CTNNA3: variants seen among roughly 807,000 people sequenced by gnomAD.
CTNNA3 encodes catenin alpha 3.
Under a neutral mutation model 95.7 loss-of-function variants are expected in CTNNA3, and 76 were observed. That is an observed-to-expected ratio of 0.79 (90% CI 0.66 to 0.96). The LOEUF is 0.96. CTNNA3 is among the 40% of genes least tolerant of loss of function. The pLI, the probability that CTNNA3 is intolerant of heterozygous loss-of-function variation, is 0.00. For synonymous variants in CTNNA3, 431 were observed against 374.4 expected (o/e 1.15, Z -1.74); for missense variants, 1,191 against 1,089.8 (o/e 1.09, Z -1.31).
chr10:66,753,535 AC>A (rs1459073485), intron 9 of CTNNA3, among the ~76,000 whole-genome samples: 1 of 151,626 alleles, frequency 6.6e-6, no homozygotes, highest in Non-Finnish European at 1.5e-5. Flanking sequence ...GGTGGTGGGC[AC>A]CCGTAATCCC....
chr10:66,214,701 T>C (rs1037626813), intron 13 of CTNNA3, among the ~76,000 whole-genome samples: 1 of 152,102 alleles, frequency 6.6e-6, no homozygotes, highest in Non-Finnish European at 1.5e-5. Flanking sequence ...AGAAAATGAC[T>C]CTTCCTTCTG....
intron 7 of CTNNA3, among the ~76,000 whole-genome samples, chr10:67,066,289 T>C (rs1856078592): frequency 1.4e-5 from 2 of 146,484 alleles, no homozygotes; most frequent in African/African-American, 5.2e-5. Flanking sequence ...GCCTCCCGGG[T>C]TCAAGAGATT....
intron 7 of CTNNA3, among the ~76,000 whole-genome samples, chr10:66,945,359 T>C (rs1848223305): frequency 6.6e-6 from 1 of 152,220 alleles, no homozygotes; most frequent in Non-Finnish European, 1.5e-5. Context: ...GGCTTCTTTC[T>C]GTAAACCTCA....
At chr10:66,892,445 C>T (rs529035064) in intron 7 of CTNNA3, among the ~76,000 whole-genome samples, 5 of 151,994 alleles carry the variant, frequency 3.3e-5, no homozygotes, top group Admixed American at 6.6e-5. Context: ...TTTTGGAAAA[C>T]GTTCAAGGAT....
intron 12 of CTNNA3, among the ~76,000 whole-genome samples, chr10:66,301,838 G>A (rs917363896): frequency 1.3e-5 from 2 of 151,906 alleles, no homozygotes; most frequent in Non-Finnish European, 2.9e-5. Flanking sequence ...CACCACTAGT[G>A]AATGTAATAA....
chr10:66,326,314 T>G (rs1349765620), intron 12 of CTNNA3, among the ~76,000 whole-genome samples: 2 of 152,104 alleles, frequency 1.3e-5, no homozygotes, highest in Non-Finnish European at 1.5e-5. Flanking sequence ...ACCTTCTTCA[T>G]CTACATAACC....
rs191712306 is a variant in CTNNA3, at chr10:67,520,397, G to A, written c.579+1445C>T. 8.6e-4 allele frequency among the ~76,000 whole-genome samples: 131 copies of A among 152,176 alleles called. 1 individual carries two copies. Among genetic ancestry groups the A allele is most frequent in the African/African-American group, 3.0e-3 (125 of 41,534 alleles). On this transcript the variant is annotated intron_variant, in intron 5 of 17. Transcript: ENST00000433211. ...CACTGAAAATGTGTTAATGAGAAAC[G>A]ATAACAGAAGAGTACAGTGACTACT...
intron 11 of CTNNA3, among the ~76,000 whole-genome samples, chr10:66,419,248 A>AGC (rs2093171609): frequency 1.4e-5 from 1 of 69,750 alleles, no homozygotes; most frequent in African/African-American, 5.3e-5. Context: ...AAAAAAAAGA[A>AGC]AAAGCAAAAC....
chr10:67,051,439 C>T (rs753460890), intron 7 of CTNNA3, among the ~76,000 whole-genome samples: 9 of 148,414 alleles, frequency 6.1e-5, no homozygotes, highest in Non-Finnish European at 1.0e-4. Flanking sequence ...TTTCCTTACA[C>T]ATCTTTTTTC....
chr10:67,096,391 G>A (rs1589732962), intron 7 of CTNNA3, among the ~76,000 whole-genome samples: 1 of 151,818 alleles, frequency 6.6e-6, no homozygotes. Context: ...ATAATACCTA[G>A]GCCTTCTATT....
At chr10:66,161,895 T>A (rs2084868551) in intron 13 of CTNNA3, among the ~76,000 whole-genome samples, 1 of 152,158 alleles carries the variant, frequency 6.6e-6, no homozygotes, top group South Asian at 2.1e-4. Context: ...TGTTCATATT[T>A]TTTTATTCTA....
At chr10:67,495,891 C>T (rs927916864) in intron 5 of CTNNA3, among the ~76,000 whole-genome samples, 7 of 152,200 alleles carry the variant, frequency 4.6e-5, no homozygotes, top group Admixed American at 2.6e-4. Flanking sequence ...ATAGTAGGCA[C>T]TTCCACAGCT....
At chr10:66,197,280 A>G (rs1384281044) in intron 13 of CTNNA3, among the ~76,000 whole-genome samples, 1 of 152,214 alleles carries the variant, frequency 6.6e-6, no homozygotes, top group East Asian at 1.9e-4. Flanking sequence ...CCCATAGGTT[A>G]CTGTTTTACA....
intron 5 of CTNNA3, among the ~76,000 whole-genome samples, chr10:67,232,988 C>G (rs1365590662): frequency 1.3e-5 from 2 of 152,190 alleles, no homozygotes; most frequent in East Asian, 3.8e-4. Context: ...GCACCCAATA[C>G]AGGAGCACCC....
intron 3 of CTNNA3, among the ~76,000 whole-genome samples, chr10:67,564,317 A>G (rs1841663539): frequency 6.7e-6 from 1 of 149,856 alleles, no homozygotes; most frequent in South Asian, 2.2e-4. Flanking sequence ...GCAGTCATAA[A>G]AAAGGATGGG....
intron 13 of CTNNA3, among the ~76,000 whole-genome samples, chr10:66,219,000 C>A (rs1464773357): frequency 6.6e-6 from 1 of 152,080 alleles, no homozygotes; most frequent in Admixed American, 6.6e-5. Context: ...TTAGAAATAC[C>A]TATAGTGGTT....
chr10:67,408,283 T>C (rs1442156981), intron 5 of CTNNA3, among the ~76,000 whole-genome samples: 1 of 151,634 alleles, frequency 6.6e-6, no homozygotes. Flanking sequence ...GTATAGCCAA[T>C]CCTAAGCAAA....
intron 3 of CTNNA3, among the ~76,000 whole-genome samples, chr10:67,575,008 T>C (rs1842098982): frequency 1.3e-5 from 2 of 152,164 alleles, no homozygotes; most frequent in Admixed American, 1.3e-4. Flanking sequence ...TACATTTTAT[T>C]TAGTACAGGG....
At chr10:67,062,154 T>C (rs1855793178) in intron 7 of CTNNA3, among the ~76,000 whole-genome samples, 1 of 151,208 alleles carries the variant, frequency 6.6e-6, no homozygotes, top group Non-Finnish European at 1.5e-5. Flanking sequence ...GGCAGGTGGA[T>C]GATATTTGTA....
Sources: gnomAD v4.1 joint callset for allele counts (sites outside exome capture counted in the v4.1 genomes callset) on GRCh38, gnomAD v4.1.1 for gene constraint, MANE v1.5 for transcripts, NCBI Gene and HGNC (gene_info 2026-07-23, HGNC 2026-07-21) for gene names.